DHRS12: variants seen among roughly 807,000 people sequenced by gnomAD.
The protein encoded by DHRS12 is dehydrogenase/reductase SDR family member 12.
A neutral mutation model predicts 32.1 loss-of-function variants in DHRS12; 29 were observed. The observed-to-expected ratio is 0.90, with a 90% CI of 0.67 to 1.23. The LOEUF is 1.23. DHRS12 is among the 50% of genes most tolerant of loss of function. The probability of loss-of-function intolerance (pLI) is 0.00; values close to 1 mark genes in which losing one functional copy is unlikely to be tolerated. For missense variants in DHRS12, 330 were observed against 337.2 expected (o/e 0.98, Z 0.17); for synonymous variants, 150 against 135.9 (o/e 1.10, Z -0.72).
In DHRS12 at chr13:51,769,273, C is replaced by T. The variant is rs1354019823; in HGVS notation, c.580G>A (p.Gly194Arg). 6 of 1,580,166 alleles carry T rather than the reference C, an allele frequency of 3.8e-6. No homozygotes were observed. The highest frequency in any genetic ancestry group is 1.2e-5 in the South Asian group (1 of 86,886). ...CGGTCCCCGAACCTGGCGTGGAACC[C>T]CGGCATCGCCTGCCTCACACCTGGG... ...DTPGVRQAMP[G>R]FHARFGDRLR... The change falls in exon 8 of 9, where the codon GGG becomes AGG. Residue 194 changes from glycine to arginine, a missense_variant. Physicochemically the swap from Gly to Arg is moderately radical, Grantham distance 125. Transcript: ENST00000444610.
the DHRS12 span, chr13:51,755,464 G>A: frequency 1.2e-6 from 2 of 1,612,460 alleles, no homozygotes; most frequent in African/African-American, 1.3e-5. Flanking sequence ...AGACAGGTGA[G>A]TGATATGGAT....
intron 7 of DHRS12, among the ~76,000 whole-genome samples, chr13:51,770,037 G>C (rs1953941559): frequency 6.6e-6 from 1 of 152,060 alleles, no homozygotes. Context: ...CGAAGCCAAG[G>C]AAAGAAAATA....
chr13:51,791,308 T>G, intron 2 of DHRS12, 51 bp from the exon 3 acceptor site: 1 of 1,058,080 alleles, frequency 9.5e-7, no homozygotes, highest in Non-Finnish European at 1.3e-6. Context: ...AGATATAAAC[T>G]AGCACTTTTA....
At chr13:51,767,550 G>C (rs1398816121), downstream of DHRS12, 1 of 152,686 alleles carries the variant, frequency 6.5e-6, no homozygotes, top group Admixed American at 6.5e-5. Context: ...TCTGCTCATT[G>C]GTTTTATTAC....
chr13:51,760,249 G>GGATGTAT, the DHRS12 span: 1 of 152,818 alleles, frequency 6.5e-6, no homozygotes, highest in South Asian at 2.1e-4. Flanking sequence ...TTCCTGGAGG[G>GGATGTAT]GATGTATTTA....
Position 51,803,984 on chromosome 13 carries a change from A to T in DHRS12, c.-9+70T>A. 1.5e-6 allele frequency: 2 copies of T among 1,350,240 alleles called. 1 individual carries two copies. Among genetic ancestry groups the T allele is most frequent in the East Asian group, 6.4e-5 (2 of 31,336 alleles). The allele number at this position is 1,350,240 out of a possible 1,614,324, so 83.6% of individuals were successfully genotyped here. A position where few individuals can be genotyped will look rare whatever the true frequency, so the allele number is the denominator to read the frequency against. ...AGGAGCCGCGGGCGCGTCCCCGCCA[A>T]CCCTGCTCGCCCGCGCCGAGGCGGG... On this transcript the variant is annotated intron_variant, in intron 1 of 8. Transcript: ENST00000444610.
intron 5 of DHRS12, 125 bp from the exon 6 acceptor site, chr13:51,774,159 A>G: frequency 1.4e-6 from 1 of 723,260 alleles, no homozygotes; most frequent in Middle Eastern, 2.4e-4. Flanking sequence ...TTGAAGCAAC[A>G]CATTGTATTC....
chr13:51,781,666 T>A (rs1593531499), intron 4 of DHRS12, among the ~76,000 whole-genome samples: 1 of 151,950 alleles, frequency 6.6e-6, no homozygotes, highest in African/African-American at 2.4e-5. Flanking sequence ...GGGCTGCAGG[T>A]ATGGAGCACA....
chr13:51,769,119 C>G lies in DHRS12; in HGVS notation c.697+37G>C, dbSNP rs1011294178. ...GAAGGCCCAGCTGCTGCCCCTAGCC[C>G]TGTGTCAGCTGCCTTCACAGCCAGG... On this transcript the variant is annotated intron_variant, in intron 8 of 8. Transcript: ENST00000444610. 9.7e-6 allele frequency: 15 copies of G among 1,548,382 alleles called. No homozygotes were observed. The African/African-American group carries it at 1.8e-4, about 18-fold the overall frequency.
intron 2 of DHRS12, among the ~76,000 whole-genome samples, chr13:51,796,161 G>A (rs1459745536): frequency 2.6e-5 from 4 of 152,206 alleles, no homozygotes; most frequent in East Asian, 1.9e-4. Context: ...ACCAGGACTC[G>A]TATCAGAGCC....
At chr13:51,777,393 C>T (rs1218091286) in intron 4 of DHRS12, 1 of 462,650 alleles carries the variant, frequency 2.2e-6, no homozygotes, top group Admixed American at 3.7e-5. Context: ...ACTGCCAAAC[C>T]GTAGATGGGT....
chr13:51,756,116 A>G, the DHRS12 span, among the ~76,000 whole-genome samples: 1 of 152,130 alleles, frequency 6.6e-6, no homozygotes, highest in Admixed American at 6.5e-5. Flanking sequence ...GTGGGGTGGT[A>G]TCCCTGTCAG....
At chr13:51,760,491 T>C in the DHRS12 span, 1 of 152,060 alleles carries the variant, frequency 6.6e-6, no homozygotes, top group Non-Finnish European at 1.5e-5. Flanking sequence ...CTCCCAACCA[T>C]GGTTATCACA....
chr13:51,769,041 A>AC (rs1481074117), intron 8 of DHRS12, 115 bp downstream of exon 8: 16 of 1,468,912 alleles, frequency 1.1e-5, no homozygotes, highest in Admixed American at 1.1e-4. Context: ...AAGCCCAGGC[A>AC]CCCCCCAGGG....
chr13:51,791,124 C>G lies in DHRS12; in HGVS notation c.219+41G>C, dbSNP rs765259739. Reference sequence around the variant, plus strand: ...CACATCCACAGACGGAAACAATGGGCCAACATGAATTTATTCTCCACTTAT... The same window carrying G: ...CACATCCACAGACGGAAACAATGGGGCAACATGAATTTATTCTCCACTTAT... On this transcript the variant is annotated intron_variant, in intron 3 of 8. Coordinates refer to ENST00000444610, the MANE Select transcript of DHRS12 (RefSeq NM_001377533.1). The G allele has an allele frequency of 5.0e-6, 7 of 1,386,726 alleles. No homozygotes were observed. In the East Asian group the frequency reaches 1.4e-4, roughly 29 times the overall value. 85.9% of individuals were successfully genotyped at this position (1,386,726 alleles called of 1,614,324 possible).
chr13:51,754,904 A>G, the DHRS12 span, among the ~76,000 whole-genome samples: 1 of 152,164 alleles, frequency 6.6e-6, no homozygotes, highest in Non-Finnish European at 1.5e-5. Context: ...TTTAATGGTA[A>G]TAAGCTGGTA....
intron 1 of DHRS12, among the ~76,000 whole-genome samples, chr13:51,801,350 C>T (rs1955745333): frequency 6.6e-6 from 1 of 152,116 alleles, no homozygotes; most frequent in Non-Finnish European, 1.5e-5. Context: ...CCACACCCGG[C>T]TAATTTTTGT....
At chr13:51,787,773 T>G (rs1195089191) in intron 4 of DHRS12, among the ~76,000 whole-genome samples, 1 of 93,956 alleles carries the variant, frequency 1.1e-5, no homozygotes, top group African/African-American at 4.3e-5. Flanking sequence ...TTATATAAAT[T>G]ATATATAATT....
chr13:51,797,775 G>A (rs1040283272), intron 2 of DHRS12: 3 of 1,514,602 alleles, frequency 2.0e-6, no homozygotes, highest in Admixed American at 2.0e-5. Context: ...CCTCCTCACA[G>A]CTGACCATGG....
Sources: gnomAD v4.1 joint callset for allele counts (sites outside exome capture counted in the v4.1 genomes callset) on GRCh38, gnomAD v4.1.1 for gene constraint, MANE v1.5 for transcripts, NCBI Gene and HGNC (gene_info 2026-07-23, HGNC 2026-07-21) for gene names.